Variants in ZMYND8 observed in about 807,000 individuals in gnomAD.
ZMYND8 encodes MYND-type zinc finger-containing chromatin reader ZMYND8.
ZMYND8 carries 37 observed loss-of-function variants against 140.8 expected under a neutral mutation model. The ratio of observed to expected loss-of-function variants is 0.26; its 90% CI spans 0.20 to 0.35. The LOEUF is 0.35. Ranked by LOEUF, ZMYND8 falls within the 10% of genes least tolerant of loss-of-function variation. The probability of loss-of-function intolerance (pLI) is 1.00; values close to 1 mark genes in which losing one functional copy is unlikely to be tolerated. For missense variants in ZMYND8, 1,068 were observed against 1,570.0 expected (o/e 0.68, Z 5.40); for synonymous variants, 592 against 597.1 (o/e 0.99, Z 0.12).
At chr20:47,223,334 T>C (rs530713721) in intron 19 of ZMYND8, among the ~76,000 whole-genome samples, 166 of 148,208 alleles carry the variant, frequency 1.1e-3, no homozygotes, top group African/African-American at 3.9e-3. Context: ...GGTGAAACCC[T>C]GTCTCTACTA....
At chr20:47,214,326 G>A (rs760146682) in intron 21 of ZMYND8, among the ~76,000 whole-genome samples, 32 of 152,150 alleles carry the variant, frequency 2.1e-4, no homozygotes, top group African/African-American at 6.0e-4. Context: ...CTGCATTCCC[G>A]CACAGACCTC....
chr20:47,224,514 C>T lies in ZMYND8; in HGVS notation c.3059G>A (p.Arg1020Gln), dbSNP rs759129251. 2.5e-6 allele frequency: 4 copies of T among 1,613,950 alleles called. No homozygotes were observed. The highest frequency in any genetic ancestry group is 1.3e-5 in the African/African-American group (1 of 74,954). Residue 1020 changes from arginine to glutamine, a missense_variant, in exon 19 of 23, where the codon CGG (arginine) becomes CAG (glutamine). Transcript: ENST00000471951. ...AEMRQSLEQERDRLIAEVKKQ... is the reference protein window; with the variant it reads ...AEMRQSLEQEQDRLIAEVKKQ... ...CTTCACCTCGGCGATGAGCCGGTCC[C>T]GCTCCTGCTCCAGGCTCTGCCGCAT... is the stretch of plus-strand genomic sequence containing the variant.
At chr20:47,287,753 A>T (rs1219033137) in intron 7 of ZMYND8, among the ~76,000 whole-genome samples, 1 of 152,114 alleles carries the variant, frequency 6.6e-6, no homozygotes, top group African/African-American at 2.4e-5. Flanking sequence ...ACACCTTGGG[A>T]GGCTGAGGCA....
intron 4 of ZMYND8, among the ~76,000 whole-genome samples, chr20:47,297,477 A>C (rs981315686): frequency 5.9e-5 from 9 of 151,858 alleles, no homozygotes; most frequent in African/African-American, 2.2e-4. Context: ...GATAGAATAC[A>C]GTGGCATGAT....
chr20:47,279,270 G>C (rs1231574403), intron 10 of ZMYND8, among the ~76,000 whole-genome samples: 1 of 152,082 alleles, frequency 6.6e-6, no homozygotes, highest in Non-Finnish European at 1.5e-5. Flanking sequence ...AGGAGCTTGA[G>C]ACCAGTCTGG....
Position 47,213,242 on chromosome 20 carries a change from C to G in ZMYND8, c.3485-517G>C, listed in dbSNP as rs558241968. Reference sequence around the variant, plus strand: ...GATGAGGTGGCAAGTAAGCTAAATTCTCAGCTACGATGGTAGCACACCAAC... The same window carrying G: ...GATGAGGTGGCAAGTAAGCTAAATTGTCAGCTACGATGGTAGCACACCAAC... On this transcript the variant is annotated intron_variant, in intron 21 of 22. Transcript: ENST00000471951. Among the ~76,000 whole-genome samples the G allele has an allele frequency of 3.3e-5, 5 of 152,288 alleles. No individual in the cohort carries two copies. In the East Asian group the frequency reaches 9.6e-4, roughly 29 times the overall value.
At chr20:47,342,180 A>C (rs978685416) in intron 2 of ZMYND8, among the ~76,000 whole-genome samples, 16 of 151,940 alleles carry the variant, frequency 1.1e-4, no homozygotes, top group Non-Finnish European at 2.2e-4. Flanking sequence ...TCAAAAACGA[A>C]CAAACAAACA....
intron 1 of ZMYND8, chr20:47,352,046 C>T (rs1356780576): frequency 1.0e-6 from 1 of 977,414 alleles, no homozygotes; most frequent in African/African-American, 1.8e-5. Flanking sequence ...ATGAGGCCCC[C>T]TTGCCCTCAA....
intron 2 of ZMYND8, among the ~76,000 whole-genome samples, chr20:47,338,901 C>A (rs1208208362): frequency 6.6e-6 from 1 of 152,038 alleles, no homozygotes; most frequent in African/African-American, 2.4e-5. Context: ...GCACTGGACT[C>A]CTAGATGGAG....
rs1165861851 is a variant in ZMYND8 at position 47,246,209 on chromosome 20, A to G, written c.2083T>C (p.Phe695Leu). 6.2e-7 allele frequency: 1 copy of G among 1,614,136 alleles called. No homozygotes were observed. The highest frequency in any genetic ancestry group is 2.2e-5 in the East Asian group (1 of 44,882). ...GGTGAAGGTTTTGCCTTTTCGGAAA[A>G]GTCCTTCTCAGGCTCAGGGCTGGCC... The part of the protein sequence containing the change: ...DKASPEPEKD[F>L]SEKAKPSPHP... The change falls in exon 14 of 23, where the codon TTT (phenylalanine) becomes CTT (leucine). Residue 695 changes from phenylalanine to leucine, a missense_variant. Coordinates refer to ENST00000471951, the MANE Select transcript of ZMYND8 (RefSeq NM_001281775.3).
chr20:47,269,950 T>C (rs1331257771), intron 11 of ZMYND8, among the ~76,000 whole-genome samples: 1 of 152,164 alleles, frequency 6.6e-6, no homozygotes, highest in African/African-American at 2.4e-5. Context: ...ATATTCAGAA[T>C]ACAAGGCTAT....
In ZMYND8 at chr20:47,280,071, C is replaced by T. The variant is rs967366427; in HGVS notation, c.998+2031G>A. On this transcript the variant is annotated intron_variant, in intron 10 of 22. Transcript: ENST00000471951. ...CCGGGAAGAGAAGGCTGCAATGAGC[C>T]GAGAGCTCGCCACTGCACACACCAG... Among the ~76,000 whole-genome samples, 38 of 148,538 alleles carry T rather than the reference C, an allele frequency of 2.6e-4. 1 individual carries two copies. The highest frequency in any genetic ancestry group is 9.0e-4 in the African/African-American group (36 of 39,874).
rs768973833 is a variant in ZMYND8 at position 47,276,586 on chromosome 20, T to C, written c.1208A>G (p.Asn403Ser). 1.2e-6 allele frequency: 2 copies of C among 1,613,550 alleles called. No homozygotes were observed. Among genetic ancestry groups the C allele is most frequent in the South Asian group, 2.2e-5 (2 of 91,048 alleles). Residue 403 changes from asparagine (N) to serine (S), a missense_variant, in exon 11 of 23, where the codon AAC becomes AGC. Physicochemically the swap from Asn to Ser is conservative, Grantham distance 46. Coordinates refer to ENST00000471951, the MANE Select transcript of ZMYND8 (RefSeq NM_001281775.3). ...TATCTTGGCAGTGCCGGCGCTGGGG[T>C]TGGTGGGATCGAGCAGCATTTGATA... ...SQYQMLLDPT[N>S]PSAGTAKIDK...
Position 47,298,701 on chromosome 20 carries a change from G to A in ZMYND8, c.453+28C>T. 2 of 1,598,872 alleles carry A rather than the reference G, an allele frequency of 1.3e-6. No homozygotes were observed. Among genetic ancestry groups the A allele is most frequent in the Admixed American group, 1.7e-5 (1 of 57,818 alleles). On this transcript the variant is annotated intron_variant, in intron 4 of 22. Coordinates refer to ENST00000471951, the MANE Select transcript of ZMYND8 (RefSeq NM_001281775.3). This position sits in a 1 kb window ranked among gnomAD's most constrained non-coding sequence, Gnocchi z 5.0. Reference sequence around the variant, plus strand: ...AGAGAAAGGAGAGGAAACGAGGCAGGTAATGCATTCATTCATCAGGAACTA... The same window carrying A: ...AGAGAAAGGAGAGGAAACGAGGCAGATAATGCATTCATTCATCAGGAACTA...
chr20:47,337,470 C>A (rs1246168408), intron 2 of ZMYND8, among the ~76,000 whole-genome samples: 1 of 152,196 alleles, frequency 6.6e-6, no homozygotes, highest in Non-Finnish European at 1.5e-5. Flanking sequence ...AGTTCAAGAG[C>A]AGCCTGGGCA....
chr20:47,230,086 C>CG (rs2147065940), intron 16 of ZMYND8, among the ~76,000 whole-genome samples: 2 of 152,264 alleles, frequency 1.3e-5, no homozygotes, highest in African/African-American at 4.8e-5. Flanking sequence ...CAATGACCTA[C>CG]GAGCCCAAAA....
chr20:47,212,653 G>A lies in ZMYND8; in HGVS notation c.3557C>T (p.Pro1186Leu). The A allele has an allele frequency of 1.2e-6, 2 of 1,613,922 alleles. No homozygotes were observed. Among genetic ancestry groups the A allele is most frequent in the Non-Finnish European group, 1.7e-6 (2 of 1,179,876 alleles). ...AGGTTCATACTTACACTTCTGGGCG[G>A]GGTAGTTGGGGTGCGGCTGGTGGTC... ...TTDHQPHPNY[P>L]AQKYHSRSNK... Residue 1186 changes from proline (P) to leucine (L), a missense_variant, in exon 22 of 23, where the codon CCC becomes CTC. By Grantham distance (98) the Pro-to-Leu change is moderately conservative. Coordinates refer to ENST00000471951, the MANE Select transcript of ZMYND8 (RefSeq NM_001281775.3).
intron 12 of ZMYND8, among the ~76,000 whole-genome samples, chr20:47,257,713 C>G (rs1382585831): frequency 2.0e-5 from 3 of 151,940 alleles, no homozygotes; most frequent in Admixed American, 2.0e-4. Flanking sequence ...ACTAAAATGC[C>G]ATATACTTAT....
At chr20:47,234,252 T>C (rs1188850909) in intron 16 of ZMYND8, among the ~76,000 whole-genome samples, 1 of 152,230 alleles carries the variant, frequency 6.6e-6, no homozygotes, top group Non-Finnish European at 1.5e-5. Context: ...TTTCACGATG[T>C]TGCCCAGGCT....
Sources: gnomAD v4.1 joint callset for allele counts (sites outside exome capture counted in the v4.1 genomes callset) on GRCh38, gnomAD v4.1.1 for gene constraint, Gnocchi (gnomAD v3.1) non-coding constraint, MANE v1.5 for transcripts, NCBI Gene and HGNC (gene_info 2026-07-23, HGNC 2026-07-21) for gene names.